DLEC1: variants seen among roughly 807,000 people sequenced by gnomAD.
The protein encoded by DLEC1 is DLEC1 cilia and flagella associated protein, also known as deleted in lung and esophageal cancer protein 1.
Under a neutral mutation model 198.1 loss-of-function variants are expected in DLEC1, and 146 were observed. That is an observed-to-expected ratio of 0.74 (90% CI 0.64 to 0.85). The LOEUF (loss-of-function observed/expected upper bound fraction) is 0.85. Ranked by LOEUF, DLEC1 falls within the 40% of genes least tolerant of loss-of-function variation. DLEC1 has a pLI of 0.00. For missense variants in DLEC1, 2,233 were observed against 2,220.0 expected (o/e 1.01, Z -0.12); for synonymous variants, 897 against 866.8 (o/e 1.03, Z -0.61).
intron 27 of DLEC1, among the ~76,000 whole-genome samples, chr3:38,115,823 A>G (rs554625595): frequency 1.4e-4 from 22 of 152,104 alleles, no homozygotes; most frequent in Non-Finnish European, 2.5e-4. Flanking sequence ...ACAGCTTGAC[A>G]TTGTCATGGT....
chr3:38,040,570 G>T (rs1700607157), intron 1 of DLEC1, among the ~76,000 whole-genome samples: 1 of 152,162 alleles, frequency 6.6e-6, no homozygotes, highest in Non-Finnish European at 1.5e-5. Context: ...CCCTGGCTGG[G>T]ATCCTGTACT....
rs1559425014 is a variant in DLEC1 at position 38,080,755 on chromosome 3, CAGAG to C, written c.1174-3399_1174-3396del. Among the ~76,000 whole-genome samples, 3 of 147,482 alleles carry C rather than the reference CAGAG, an allele frequency of 2.0e-5. No individual in the cohort carries two copies. In the South Asian group the frequency reaches 6.4e-4, roughly 32 times the overall value. ...TTGCCCATAGTGAAGGAGGCAAACA[CAGAG>C]AGAAGAGAGCGTAGAGACACGGAGG... is the stretch of plus-strand genomic sequence containing the variant. On this transcript the variant is annotated intron_variant, in intron 6 of 36. Transcript: ENST00000308059.
chr3:38,097,974 C>T (rs957723589), intron 18 of DLEC1, 72 bp downstream of exon 18: 1 of 1,588,774 alleles, frequency 6.3e-7, no homozygotes. Context: ...GTGAAACTTG[C>T]CCTGGTGTGT....
chr3:38,096,670 T>C lies in DLEC1; in HGVS notation c.2273T>C (p.Leu758Ser), dbSNP rs1220076187. The C allele has an allele frequency of 6.2e-7, 1 of 1,613,570 alleles. No individual in the cohort carries two copies. The highest frequency in any genetic ancestry group is 8.5e-7 in the Non-Finnish European group (1 of 1,179,994). ...TCAGTAGAACCTTTCCAGGTTCTCT[T>C]AGAGCCATATGCCCTCATCATCCCA... ...KGSVEPFQVL[L>S]EPYALIIPGE... Residue 758 changes from leucine (L) to serine (S), a missense_variant, in exon 15 of 37, where the codon TTA (leucine) becomes TCA (serine). By Grantham distance (145) the Leu-to-Ser change is moderately radical. Transcript: ENST00000308059.
At chr3:38,073,310 G>A (rs933077104) in intron 6 of DLEC1, among the ~76,000 whole-genome samples, 1 of 152,214 alleles carries the variant, frequency 6.6e-6, no homozygotes, top group African/African-American at 2.4e-5. Context: ...AGGTAAAGTG[G>A]GGGAATTGTA....
rs1353721807 is a variant in DLEC1 at position 38,122,466 on chromosome 3, A to T, written c.*54A>T. On this transcript the variant is annotated 3_prime_UTR_variant, in exon 37 of 37. Coordinates refer to ENST00000308059, the MANE Select transcript of DLEC1 (RefSeq NM_007335.4). ...CCCAGCTGGAGAAAAAACATTGCCCAGGGATTAGGAGCAGCTCTTCAGCAC... is the reference window on the plus strand; with the variant it reads ...CCCAGCTGGAGAAAAAACATTGCCCTGGGATTAGGAGCAGCTCTTCAGCAC... The T allele has an allele frequency of 6.2e-7, 1 of 1,613,708 alleles. No homozygotes were observed. The highest frequency in any genetic ancestry group is 1.1e-5 in the South Asian group (1 of 90,818).
chr3:38,101,472 G>T (rs745450025), intron 19 of DLEC1, among the ~76,000 whole-genome samples: 2 of 152,080 alleles, frequency 1.3e-5, no homozygotes, highest in Non-Finnish European at 2.9e-5. Context: ...TTGTGTGGAG[G>T]TAGTACATAG....
At chr3:38,042,050 T>A (rs1700684121) in intron 1 of DLEC1, among the ~76,000 whole-genome samples, 1 of 152,066 alleles carries the variant, frequency 6.6e-6, no homozygotes, top group Admixed American at 6.6e-5. Flanking sequence ...TGGAGTGCAG[T>A]GCCACGATCT....
intron 2 of DLEC1, chr3:38,051,701 C>T (rs1701127129): frequency 4.7e-6 from 1 of 210,534 alleles, no homozygotes; most frequent in African/African-American, 2.3e-5. Flanking sequence ...GTTTACAGTA[C>T]CTTTAAAGGT....
At position 38,112,119 on chromosome 3, in the gene DLEC1, T is replaced by C. The variant is rs556662717; in HGVS notation, c.3515-91T>C. On this transcript the variant is annotated intron_variant, in intron 24 of 36. Transcript: ENST00000308059. The surrounding 1 kb of genome is among the most constrained non-coding windows in gnomAD (Gnocchi z 4.8). ...CAAGGAGAGGCTGGAGGGTGGCTTATCGGGGACAGTGCTTTGCTCACACAC... is the reference window on the plus strand; with the variant it reads ...CAAGGAGAGGCTGGAGGGTGGCTTACCGGGGACAGTGCTTTGCTCACACAC... 1.5e-5 allele frequency: 23 copies of C among 1,573,454 alleles called. No homozygotes were observed. The South Asian group carries it at 2.5e-4, about 17-fold the overall frequency.
At chr3:38,094,302 C>T (rs139907311) in intron 12 of DLEC1, among the ~76,000 whole-genome samples, 8 of 152,328 alleles carry the variant, frequency 5.3e-5, no homozygotes, top group South Asian at 2.1e-4. Flanking sequence ...ACCAGGGCTG[C>T]CCTGGGGACC....
intron 33 of DLEC1, 98 bp from the exon 34 acceptor site, chr3:38,120,340 TGGCTGGGCAA>T (rs1700383457): frequency 1.5e-6 from 2 of 1,325,968 alleles, no homozygotes; most frequent in Non-Finnish European, 2.1e-6. Flanking sequence ...GCTGGGCTGT[TGGCTGGGCAA>T]GGCTGGGCCT....
chr3:38,103,787 G>C (rs1699423665), intron 19 of DLEC1: 1 of 152,226 alleles, frequency 6.6e-6, no homozygotes, highest in Non-Finnish European at 1.5e-5. Flanking sequence ...TCAAGGAATA[G>C]GGAGGCCTGA....
At position 38,112,241 on chromosome 3, in the gene DLEC1, A is replaced by G. The variant is rs1234679207; in HGVS notation, c.3546A>G (p.Lys1182=). 1.7e-5 allele frequency: 27 copies of G among 1,614,064 alleles called. No homozygotes were observed. Among genetic ancestry groups the G allele is most frequent in the Non-Finnish European group, 2.3e-5 (27 of 1,180,018 alleles). The change falls in exon 25 of 37, where the codon AAA becomes AAG. Residue 1182 remains lysine (K), a synonymous_variant. Transcript: ENST00000308059. This position sits in a 1 kb window ranked among gnomAD's most constrained non-coding sequence, Gnocchi z 4.8. ...DFMESMLSHG[K]GAAFFPHFSQ... ...TGGAGAGCATGCTATCCCACGGGAA[A>G]GGAGCTGCTTTCTTCCCTCACTTTT...
Position 38,100,434 on chromosome 3 carries a change from G to A in DLEC1, c.2864+9G>A, listed in dbSNP as rs1276401544. 1.9e-6 allele frequency: 3 copies of A among 1,606,908 alleles called. No homozygotes were observed. Among genetic ancestry groups the A allele is most frequent in the Non-Finnish European group, 2.5e-6 (3 of 1,177,146 alleles). On this transcript the variant is annotated intron_variant, in intron 19 of 36. Coordinates refer to ENST00000308059, the MANE Select transcript of DLEC1 (RefSeq NM_007335.4). ...GAAAATGGTGCCTGGAGGTAAGGGTGCCGTGGGAAGAGCCACTACAACAAA... is the reference window on the plus strand; with the variant it reads ...GAAAATGGTGCCTGGAGGTAAGGGTACCGTGGGAAGAGCCACTACAACAAA...
intron 1 of DLEC1, among the ~76,000 whole-genome samples, chr3:38,044,987 C>G (rs1042835606): frequency 1.3e-5 from 2 of 152,216 alleles, no homozygotes; most frequent in Non-Finnish European, 2.9e-5. Flanking sequence ...GGGGGCCCAA[C>G]AAGCCTTGAC....
chr3:38,071,888 A>T lies in DLEC1; in HGVS notation c.1173+7969A>T, dbSNP rs112456421. Among the ~76,000 whole-genome samples the T allele has an allele frequency of 7.5e-3, 1,136 of 152,240 alleles. 14 individuals carry two copies. Among genetic ancestry groups the T allele is most frequent in the African/African-American group, 0.025 (1,051 of 41,538 alleles). Reference sequence around the variant, plus strand: ...TATTGACGCATAGTCCTTTTCCAAGAGTGAGGGCTTGAGTTAAGGCAACTA... The same window carrying T: ...TATTGACGCATAGTCCTTTTCCAAGTGTGAGGGCTTGAGTTAAGGCAACTA... On this transcript the variant is annotated intron_variant, in intron 6 of 36. Coordinates refer to ENST00000308059, the MANE Select transcript of DLEC1 (RefSeq NM_007335.4).
At position 38,084,234 on chromosome 3, in the gene DLEC1, C is replaced by A; in HGVS notation, c.1250C>A (p.Ala417Asp). Residue 417 changes from alanine to aspartate, a missense_variant, in exon 7 of 37, where the codon GCT (alanine) becomes GAT (aspartate). Coordinates refer to ENST00000308059, the MANE Select transcript of DLEC1 (RefSeq NM_007335.4). ...CTCCCGCCTTCCACGCCATACTTCG[C>A]TCTGGGACTGGGTAAGTTCAGTATT... ...RVLPPSTPYF[A>D]LGLGMFPGKG... is the part of the protein sequence containing the mutation. 2 of 1,612,410 alleles carry A rather than the reference C, an allele frequency of 1.2e-6. No individual in the cohort carries two copies. The highest frequency in any genetic ancestry group is 1.7e-6 in the Non-Finnish European group (2 of 1,179,030).
At position 38,088,464 on chromosome 3, in the gene DLEC1, G is replaced by C; in HGVS notation, c.1665+76G>C. On this transcript the variant is annotated intron_variant, in intron 10 of 36. Coordinates refer to ENST00000308059, the MANE Select transcript of DLEC1 (RefSeq NM_007335.4). ...ATTTGTCTCTGTTTTCATGACTCAA[G>C]TGTCCAGTCCCATCCCATATCACAG... The C allele has an allele frequency of 2.1e-6, 3 of 1,410,718 alleles. No homozygotes were observed. The South Asian group carries it at 3.6e-5, about 17-fold the overall frequency. 87.4% of individuals were successfully genotyped at this position (1,410,718 alleles called of 1,614,324 possible). A position where few individuals can be genotyped will look rare whatever the true frequency, so the allele number is the denominator to read the frequency against.
Sources: gnomAD v4.1 joint callset for allele counts (sites outside exome capture counted in the v4.1 genomes callset) on GRCh38, gnomAD v4.1.1 for gene constraint, Gnocchi (gnomAD v3.1) non-coding constraint, MANE v1.5 for transcripts, NCBI Gene and HGNC (gene_info 2026-07-23, HGNC 2026-07-21) for gene names.